The following ANKS4B variants were observed in gnomAD, a reference collection of about 807,000 sequenced individuals.
The protein encoded by ANKS4B is ankyrin repeat and sterile alpha motif domain containing 4B.
Under a neutral mutation model 20.2 loss-of-function variants are expected in ANKS4B, and 21 were observed. The ratio of observed to expected loss-of-function variants is 1.04; its 90% CI spans 0.74 to 1.50. ANKS4B has a LOEUF of 1.50. Ranked by LOEUF, ANKS4B falls within the 40% of genes most tolerant of loss-of-function variation. The pLI is 0.00. For missense variants in ANKS4B, 473 were observed against 494.6 expected (o/e 0.96, Z 0.41); for synonymous variants, 179 against 194.5 (o/e 0.92, Z 0.66).
chr16:21,250,616 G>A lies in ANKS4B; in HGVS notation c.1050G>A (p.Val350=), dbSNP rs1418199332. 3.1e-6 allele frequency: 5 copies of A among 1,613,994 alleles called. No homozygotes were observed. The highest frequency in any genetic ancestry group is 4.2e-6 in the Non-Finnish European group (5 of 1,179,982). ...TGGTCGATGCCACGCCCCTGGAAGT[G>A]TTCTTGCTGTCTCAGCACCTGGAAG... ...EDVVDATPLE[V]FLLSQHLEEF... The change falls in exon 2 of 2, where the codon GTG becomes GTA. Residue 350 remains valine, a synonymous_variant. Coordinates refer to ENST00000311620, the MANE Select transcript of ANKS4B (RefSeq NM_145865.3).
At chr16:21,245,789 A>G (rs1455390622) in intron 1 of ANKS4B, among the ~76,000 whole-genome samples, 1 of 152,188 alleles carries the variant, frequency 6.6e-6, no homozygotes, top group Non-Finnish European at 1.5e-5. Flanking sequence ...AAAAACCCAC[A>G]AGCATTATTG....
chr16:21,238,619 G>T (rs1263830263), intron 1 of ANKS4B, among the ~76,000 whole-genome samples: 1 of 151,964 alleles, frequency 6.6e-6, no homozygotes, highest in Non-Finnish European at 1.5e-5. Flanking sequence ...TATAATTTAA[G>T]ATCTGAATTA....
In ANKS4B at chr16:21,250,175, C is replaced by T. The variant is rs771775988; in HGVS notation, c.609C>T (p.Asp203=). ...GGTCACTATCTAAGGGCATTAAAGA[C>T]ACTTTCAAGATCAAGTTCAAGAAGA... ...TFGSLSKGIK[D]TFKIKFKKNK... is the part of the protein sequence containing the mutation. The change falls in exon 2 of 2, where the codon GAC becomes GAT. Residue 203 remains aspartate, a synonymous_variant. Coordinates refer to ENST00000311620, the MANE Select transcript of ANKS4B (RefSeq NM_145865.3). The T allele has an allele frequency of 3.1e-6, 5 of 1,614,160 alleles. No individual in the cohort carries two copies. Among genetic ancestry groups the T allele is most frequent in the South Asian group, 2.2e-5 (2 of 91,078 alleles).
rs574272212 is a variant in ANKS4B at position 21,251,075 on chromosome 16, T to C, written c.*255T>C. The C allele has an allele frequency of 2.4e-6, 1 of 420,596 alleles. No individual in the cohort carries two copies. Among genetic ancestry groups the C allele is most frequent in the Non-Finnish European group, 4.2e-6 (1 of 238,844 alleles). 26.1% of individuals were successfully genotyped at this position (420,596 alleles called of 1,614,324 possible). ...TCTTCAGTTATCTTATATGTACATA[T>C]AATTGTTTTTGTGGTTGTTTTGTTT... On this transcript the variant is annotated 3_prime_UTR_variant, in exon 2 of 2. Coordinates refer to ENST00000311620, the MANE Select transcript of ANKS4B (RefSeq NM_145865.3).
intron 1 of ANKS4B, among the ~76,000 whole-genome samples, chr16:21,234,154 A>G (rs2093317292): frequency 6.6e-6 from 1 of 152,234 alleles, no homozygotes; most frequent in Admixed American, 6.5e-5. Flanking sequence ...CATTATCTGC[A>G]TGGGGAAGAG....
chr16:21,248,783 C>A (rs187221263), intron 1 of ANKS4B, among the ~76,000 whole-genome samples: 1 of 152,028 alleles, frequency 6.6e-6, no homozygotes, highest in African/African-American at 2.4e-5. Context: ...AAAGATAACA[C>A]GAAAGTCTCA....
intron 1 of ANKS4B, among the ~76,000 whole-genome samples, chr16:21,246,202 T>A (rs2093332075): frequency 6.6e-6 from 1 of 152,248 alleles, no homozygotes. Context: ...TTGGTTTTTA[T>A]TGGCTGGAAT....
Position 21,249,783 on chromosome 16 carries a change from G to C in ANKS4B, c.217G>C (p.Ala73Pro). Residue 73 changes from alanine (A) to proline (P), a missense_variant, in exon 2 of 2, where the codon GCC (alanine) becomes CCC (proline). Ala to Pro is a conservative substitution (Grantham distance 27). Transcript: ENST00000311620. The part of the protein sequence containing the change: ...IWGNTPLHFA[A>P]SNGHAHCVSF... ...GGGAAACACTCCTCTACATTTTGCA[G>C]CCTCCAATGGCCATGCCCACTGCGT... The C allele has an allele frequency of 6.2e-7, 1 of 1,614,140 alleles. No homozygotes were observed. The highest frequency in any genetic ancestry group is 1.1e-5 in the South Asian group (1 of 91,074).
In ANKS4B at chr16:21,250,690, T is replaced by C. The variant is rs1001671435; in HGVS notation, c.1124T>C (p.Leu375Pro). The change falls in exon 2 of 2, where the codon CTG becomes CCG. Residue 375 changes from leucine to proline, a missense_variant. By Grantham distance (98) the Leu-to-Pro change is moderately conservative. Transcript: ENST00000311620. ...GAGCAGATTGATCTAGAAGCTCTGC[T>C]GCTCTGCTCTGATGAGGACCTTCAG... ...KREQIDLEAL[L>P]LCSDEDLQSI... 8.7e-6 allele frequency: 14 copies of C among 1,613,442 alleles called. No individual in the cohort carries two copies. Among genetic ancestry groups the C allele is most frequent in the African/African-American group, 1.3e-5 (1 of 74,938 alleles).
Position 21,250,223 on chromosome 16 carries a change from G to A in ANKS4B, c.657G>A (p.Val219=). Residue 219 remains valine, a synonymous_variant, in exon 2 of 2, where the codon GTG becomes GTA. Transcript: ENST00000311620. The stretch of plus-strand genomic sequence containing the variant: ...AGAACAAAGATACAGCAGAACAGGT[G>A]GGGAAGGAAGGCAGAAGTGGGCAGA... ...FKKNKDTAEQ[V]GKEGRSGQRN... 2 of 1,614,124 alleles carry A rather than the reference G, an allele frequency of 1.2e-6. No individual in the cohort carries two copies. Among genetic ancestry groups the A allele is most frequent in the Non-Finnish European group, 1.7e-6 (2 of 1,180,024 alleles).
chr16:21,249,662 G>A (rs1169047618), intron 1 of ANKS4B, 69 bp from the exon 2 acceptor site: 4 of 1,497,440 alleles, frequency 2.7e-6, no homozygotes, highest in Non-Finnish European at 2.7e-6. Context: ...TTTTTGTTTT[G>A]ATTTTTTTGG....
At chr16:21,248,194 A>T (rs12443861) in intron 1 of ANKS4B, among the ~76,000 whole-genome samples, 30,101 of 151,704 alleles carry the variant, frequency 0.2, 3,109 homozygotes, top group East Asian at 0.27. Flanking sequence ...TTTTTATTTT[A>T]AAAAAAAATT....
intron 1 of ANKS4B, among the ~76,000 whole-genome samples, chr16:21,235,565 G>C (rs2093319375): frequency 6.6e-6 from 1 of 152,164 alleles, no homozygotes; most frequent in Admixed American, 6.5e-5. Flanking sequence ...TGTTTTAGTG[G>C]TCGAGATGAG....
At position 21,250,691 on chromosome 16, in the gene ANKS4B, G is replaced by C; in HGVS notation, c.1125G>C (p.Leu375=). Residue 375 remains leucine (L), a synonymous_variant, in exon 2 of 2, where the codon CTG becomes CTC. Transcript: ENST00000311620. ...KREQIDLEAL[L]LCSDEDLQSI... Reference sequence around the variant, plus strand: ...AGCAGATTGATCTAGAAGCTCTGCTGCTCTGCTCTGATGAGGACCTTCAGA... The same window carrying C: ...AGCAGATTGATCTAGAAGCTCTGCTCCTCTGCTCTGATGAGGACCTTCAGA... The C allele has an allele frequency of 6.2e-7, 1 of 1,613,602 alleles. No homozygotes were observed. The highest frequency in any genetic ancestry group is 8.5e-7 in the Non-Finnish European group (1 of 1,179,476).
In ANKS4B at chr16:21,253,530, T is replaced by C. The variant is rs909874008; in HGVS notation, c.*2710T>C. 1 of 152,196 alleles carries C rather than the reference T, an allele frequency of 6.6e-6. No individual in the cohort carries two copies. Among genetic ancestry groups the C allele is most frequent in the Admixed American group, 6.5e-5 (1 of 15,268 alleles). 9.4% of individuals were successfully genotyped at this position (152,196 alleles called of 1,614,324 possible). On this transcript the variant is annotated 3_prime_UTR_variant, in exon 2 of 2. Coordinates refer to ENST00000311620, the MANE Select transcript of ANKS4B (RefSeq NM_145865.3). ...CACTATTATATTTCATCATCATAGA[T>C]GCCAGAATCCCCTCTTCACCTATTG...
At chr16:21,242,093 C>T (rs1405731073) in intron 1 of ANKS4B, among the ~76,000 whole-genome samples, 2 of 152,200 alleles carry the variant, frequency 1.3e-5, no homozygotes, top group African/African-American at 4.8e-5. Flanking sequence ...CAATAGATGT[C>T]TTGTACTTAT....
Position 21,250,805 on chromosome 16 carries a change from C to A in ANKS4B, c.1239C>A (p.Val413=). The change falls in exon 2 of 2, where the codon GTC becomes GTA. Residue 413 remains valine, a synonymous_variant. Transcript: ENST00000311620. ...KQVLQQPGQL[V]DTSL ...TGCTTCAACAGCCTGGGCAGCTGGT[C>A]GACACCAGCCTGTGATGGAGAGTTT... is the stretch of plus-strand genomic sequence containing the variant. The A allele has an allele frequency of 1.3e-6, 2 of 1,591,120 alleles. No homozygotes were observed. The highest frequency in any genetic ancestry group is 2.2e-5 in the South Asian group (2 of 89,680).
At chr16:21,234,013 T>C in intron 1 of ANKS4B, 112 bp downstream of exon 1, 1 of 1,079,436 alleles carries the variant, frequency 9.3e-7, no homozygotes, top group Non-Finnish European at 1.3e-6. Context: ...TTCTAGATTG[T>C]CTAAATGATT....
intron 1 of ANKS4B, among the ~76,000 whole-genome samples, chr16:21,235,541 G>T (rs2093319333): frequency 6.6e-6 from 1 of 152,186 alleles, no homozygotes. Flanking sequence ...CAGTCGGAGA[G>T]AATGTTTGGG....
Sources: allele counts gnomAD v4.1 joint callset (sites outside exome capture counted in the v4.1 genomes callset), GRCh38; gene constraint gnomAD v4.1.1; transcripts MANE v1.5; gene names NCBI Gene and HGNC (gene_info 2026-07-23, HGNC 2026-07-21).